DPP6: variants seen among roughly 807,000 people sequenced by gnomAD.
The protein encoded by DPP6 is dipeptidyl peptidase like 6.
In DPP6, 69 loss-of-function variants were observed where a neutral mutation model predicts 122.6. The observed-to-expected ratio is 0.56, with a 90% CI of 0.46 to 0.69. The LOEUF (loss-of-function observed/expected upper bound fraction) is 0.69. DPP6 is among the 30% of genes least tolerant of loss of function. DPP6 has a pLI of 0.00. For missense variants in DPP6, 928 were observed against 1,116.9 expected, an observed-to-expected ratio of 0.83 and a Z score of 2.41; for synonymous variants, 418 against 433.1, an observed-to-expected ratio of 0.97 and a Z score of 0.43.
intron 3 of DPP6, among the ~76,000 whole-genome samples, chr7:154,522,038 A>T (rs1023180556): frequency 6.6e-6 from 1 of 151,644 alleles, no homozygotes; most frequent in Non-Finnish European, 1.5e-5. Context: ...GATCTCGGCT[A>T]CTGCAAGCTC....
At chr7:154,719,300 TG>T (rs1841674029) in intron 7 of DPP6, among the ~76,000 whole-genome samples, 1 of 152,100 alleles carries the variant, frequency 6.6e-6, no homozygotes, top group Admixed American at 6.5e-5. Flanking sequence ...GGCTCCAAAG[TG>T]GGCTGTATGG....
At chr7:153,797,520 A>G in the DPP6 span, among the ~76,000 whole-genome samples, 1 of 152,282 alleles carries the variant, frequency 6.6e-6, no homozygotes, top group Admixed American at 6.5e-5. Context: ...AAAAACAGGA[A>G]GAATAATAAG....
chr7:154,323,114 T>A (rs1808119271), intron 1 of DPP6, among the ~76,000 whole-genome samples: 1 of 151,984 alleles, frequency 6.6e-6, no homozygotes, highest in African/African-American at 2.4e-5. Flanking sequence ...CCAAATGAAA[T>A]ACCATTCCAT....
chr7:154,394,381 T>C (rs1347491747), intron 1 of DPP6, among the ~76,000 whole-genome samples: 1 of 151,572 alleles, frequency 6.6e-6, no homozygotes, highest in Non-Finnish European at 1.5e-5. Context: ...TGGCCATTTG[T>C]GTACCTTTTT....
chr7:154,251,791 C>G (rs1181782379), intron 1 of DPP6, among the ~76,000 whole-genome samples: 1 of 84,884 alleles, frequency 1.2e-5, no homozygotes, highest in African/African-American at 9.1e-5. Flanking sequence ...CCACCTTCTC[C>G]TGCCTGCCTT....
chr7:154,459,920 A>G (rs2151314681), intron 2 of DPP6, among the ~76,000 whole-genome samples: 1 of 149,214 alleles, frequency 6.7e-6, no homozygotes, highest in South Asian at 2.1e-4. Context: ...CAGTCCCTAG[A>G]TACTGTCACT....
At chr7:153,925,866 T>G (rs796261166) in intron 1 of DPP6, among the ~76,000 whole-genome samples, 3 of 152,336 alleles carry the variant, frequency 2.0e-5, no homozygotes, top group African/African-American at 7.2e-5. Context: ...ATTTTTACTT[T>G]GGCTCCACAA....
intron 19 of DPP6, among the ~76,000 whole-genome samples, chr7:154,874,678 G>C (rs1804699457): frequency 6.6e-6 from 1 of 152,240 alleles, no homozygotes; most frequent in Non-Finnish European, 1.5e-5. Flanking sequence ...AGCTGGGAGA[G>C]TGCCCGTGGT....
intron 1 of DPP6, among the ~76,000 whole-genome samples, chr7:154,032,295 A>G (rs917817541): frequency 3.3e-5 from 5 of 152,080 alleles, no homozygotes; most frequent in East Asian, 1.9e-4. Flanking sequence ...GGCATAAACA[A>G]CCTGAAGCAC....
rs1243536333 is a variant in DPP6, at chr7:153,967,453, G to A, written c.51+79719G>A. On this transcript the variant is annotated intron_variant, in intron 1 of 25. Coordinates refer to the DPP6 transcript ENST00000404039. ...GCCTGACAGGACAGCAGCTTGCAGT[G>A]CAGTAGTTACAACAACTCCGTAGAA... Among the ~76,000 whole-genome samples the A allele has an allele frequency of 2.0e-5, 3 of 152,296 alleles. No homozygotes were observed. The South Asian group carries it at 6.2e-4, about 32-fold the overall frequency.
chr7:154,632,107 C>A (rs1356147813), intron 5 of DPP6, among the ~76,000 whole-genome samples: 3 of 152,318 alleles, frequency 2.0e-5, no homozygotes, highest in Middle Eastern at 3.4e-3. Context: ...TCAGCATTCA[C>A]CTTATTTGAA....
At chr7:154,728,028 T>G (rs1362719780) in intron 8 of DPP6, 141 bp downstream of exon 8, 35 of 1,402,224 alleles carry the variant, frequency 2.5e-5, no homozygotes, top group Non-Finnish European at 4.7e-6. Context: ...ATTTAAAAGA[T>G]TTTGTTAGAG....
chr7:153,909,443 A>AC (rs398112046), intron 1 of DPP6, among the ~76,000 whole-genome samples: 2 of 143,192 alleles, frequency 1.4e-5, no homozygotes, highest in African/African-American at 4.9e-5. Context: ...CTTAAAAAAA[A>AC]CTTAAAAACT....
At chr7:154,828,680 G>A (rs1800382614) in intron 16 of DPP6, among the ~76,000 whole-genome samples, 2 of 152,200 alleles carry the variant, frequency 1.3e-5, no homozygotes, top group Non-Finnish European at 2.9e-5. Context: ...TTATGCTAGA[G>A]TATGATCATT....
chr7:154,756,983 A>T (rs574942285), intron 8 of DPP6, among the ~76,000 whole-genome samples: 1 of 149,532 alleles, frequency 6.7e-6, no homozygotes, highest in South Asian at 2.1e-4. Flanking sequence ...CCCCTTCTCC[A>T]TCCCTCACGG....
At chr7:154,020,338 G>A (rs1798637059) in intron 1 of DPP6, among the ~76,000 whole-genome samples, 1 of 151,474 alleles carries the variant, frequency 6.6e-6, no homozygotes, top group Non-Finnish European at 1.5e-5. Flanking sequence ...AGAAAGCTCA[G>A]GGAGAGGGAA....
intron 5 of DPP6, among the ~76,000 whole-genome samples, chr7:154,568,045 A>C (rs1184145029): frequency 6.6e-6 from 1 of 152,052 alleles, no homozygotes; most frequent in Non-Finnish European, 1.5e-5. Context: ...TTCCATCCAA[A>C]TTCTTTGAAA....
intron 1 of DPP6, among the ~76,000 whole-genome samples, chr7:153,967,066 C>CACAA (rs67268371): frequency 0.062 from 9,001 of 145,868 alleles, 979 homozygotes; most frequent in African/African-American, 0.22. Context: ...GACCCTGTCT[C>CACAA]ACAAACAAAC....
At chr7:154,354,232 G>T in intron 1 of DPP6, among the ~76,000 whole-genome samples, 1 of 152,082 alleles carries the variant, frequency 6.6e-6, no homozygotes, top group East Asian at 1.9e-4. Context: ...GTCTCAACTT[G>T]CTCTCTTTCT....
Sources: gnomAD v4.1 joint callset for allele counts (sites outside exome capture counted in the v4.1 genomes callset) on GRCh38, gnomAD v4.1.1 for gene constraint, MANE v1.5 for transcripts, NCBI Gene and HGNC (gene_info 2026-07-23, HGNC 2026-07-21) for gene names.